The following DPP6 variants were observed in gnomAD, a reference collection of about 807,000 sequenced individuals.
DPP6 encodes the protein A-type potassium channel modulatory protein DPP6.
In DPP6, 69 loss-of-function variants were observed where a neutral mutation model predicts 122.6. The ratio of observed to expected loss-of-function variants is 0.56; its 90% confidence interval spans 0.46 to 0.69. DPP6 has a LOEUF of 0.69. DPP6 is among the 30% of genes least tolerant of loss of function. DPP6 has a pLI of 0.00. For synonymous variants in DPP6, 418 were observed against 433.1 expected, an observed-to-expected ratio of 0.97 and a Z score of 0.43; for missense variants, 928 against 1,116.9, an observed-to-expected ratio of 0.83 and a Z score of 2.41.
chr7:153,839,704 C>T, the DPP6 span, among the ~76,000 whole-genome samples: 13 of 152,226 alleles, frequency 8.5e-5, no homozygotes, highest in Admixed American at 1.3e-4. Flanking sequence ...GAACCTAAAT[C>T]ATCGCGTGCT....
At chr7:153,996,800 AG>A (rs1234870779) in intron 1 of DPP6, among the ~76,000 whole-genome samples, 11 of 152,214 alleles carry the variant, frequency 7.2e-5, no homozygotes, top group African/African-American at 2.7e-4. Flanking sequence ...TTAATAAGAT[AG>A]ATATTCAGAG....
At chr7:154,577,337 G>C (rs942000507) in intron 5 of DPP6, among the ~76,000 whole-genome samples, 1 of 152,216 alleles carries the variant, frequency 6.6e-6, no homozygotes, top group African/African-American at 2.4e-5. Context: ...AGCCAGGCCT[G>C]TGCAGGTGGG....
the DPP6 span, among the ~76,000 whole-genome samples, chr7:153,855,039 G>A: frequency 7.7e-6 from 1 of 130,300 alleles, no homozygotes; most frequent in African/African-American, 2.9e-5. Flanking sequence ...ATTGAACAAT[G>A]AGATCACATG....
Position 154,283,521 on chromosome 7 carries a change from G to A in DPP6, c.244-162693G>A, listed in dbSNP as rs182386162. ...TACCTGTAAAGGCTAAGCAATATCC[G>A]AGGCTCATGGGGTACACAGCAATAA... On this transcript the variant is annotated intron_variant, in intron 1 of 25. Transcript: ENST00000377770. 1.9e-4 allele frequency among the ~76,000 whole-genome samples: 29 copies of A among 152,166 alleles called. 1 individual carries two copies. Among genetic ancestry groups the A allele is most frequent in the South Asian group, 2.1e-4 (1 of 4,810 alleles).
intron 1 of DPP6, among the ~76,000 whole-genome samples, chr7:154,396,806 G>T (rs1253032740): frequency 5.3e-5 from 8 of 152,172 alleles, no homozygotes. Context: ...TTATCTGGGT[G>T]TGGTGGCATG....
chr7:153,845,639 A>G, the DPP6 span, among the ~76,000 whole-genome samples: 2 of 152,078 alleles, frequency 1.3e-5, no homozygotes, highest in East Asian at 1.9e-4. Flanking sequence ...TTTATCTGTC[A>G]TACTAGGCTA....
intron 16 of DPP6, among the ~76,000 whole-genome samples, chr7:154,837,572 G>A (rs1801188947): frequency 6.6e-6 from 1 of 152,100 alleles, no homozygotes; most frequent in South Asian, 2.1e-4. Context: ...CAGCATGGGA[G>A]TATTTTTCTG....
At chr7:154,267,367 A>AATTAC (rs1554504624) in intron 1 of DPP6, among the ~76,000 whole-genome samples, 1 of 147,230 alleles carries the variant, frequency 6.8e-6, no homozygotes, top group African/African-American at 2.5e-5. Context: ...TACTGTAACA[A>AATTAC]ATTATATATA....
intron 1 of DPP6, among the ~76,000 whole-genome samples, chr7:154,233,064 A>C (rs1257704933): frequency 6.6e-6 from 1 of 152,240 alleles, no homozygotes; most frequent in Admixed American, 6.5e-5. Context: ...TTTCACTTAG[A>C]AGCTCACAAA....
chr7:153,800,400 A>G, the DPP6 span, among the ~76,000 whole-genome samples: 1 of 152,206 alleles, frequency 6.6e-6, no homozygotes, highest in African/African-American at 2.4e-5. Flanking sequence ...AGAGTAGAAT[A>G]TTGGTTACAG....
the DPP6 span, among the ~76,000 whole-genome samples, chr7:153,786,740 GAAAAA>G: frequency 9.4e-5 from 3 of 31,776 alleles, no homozygotes; most frequent in African/African-American, 1.0e-4. Context: ...CTCCGTCTCA[GAAAAA>G]AAAAAAAAAA....
At chr7:154,655,233 G>C (rs1308846172) in intron 6 of DPP6, among the ~76,000 whole-genome samples, 1 of 152,158 alleles carries the variant, frequency 6.6e-6, no homozygotes, top group Admixed American at 6.5e-5. Context: ...TGCTGTTGCT[G>C]TTATAAAGCT....
At position 154,782,267 on chromosome 7, in the gene DPP6, G is replaced by A. The variant is rs77675200; in HGVS notation, c.1136+9325G>A. Among the ~76,000 whole-genome samples the A allele has an allele frequency of 8.2e-3, 1,246 of 152,238 alleles. 11 individuals are homozygous for A. The highest frequency in any genetic ancestry group is 0.026 in the African/African-American group (1,076 of 41,552). On this transcript the variant is annotated intron_variant, in intron 10 of 25. Transcript: ENST00000377770. ...GGTAGCATTTCTTCCAGCTATCTTC[G>A]CTTCCTGTTCATATTTTGGTATCAT...
At chr7:154,174,511 C>T (rs1393518947) in intron 1 of DPP6, among the ~76,000 whole-genome samples, 1 of 152,206 alleles carries the variant, frequency 6.6e-6, no homozygotes, top group Non-Finnish European at 1.5e-5. Context: ...ATACACAAAG[C>T]CGTCACTCAT....
At chr7:154,809,836 C>A (rs1362601590) in intron 16 of DPP6, among the ~76,000 whole-genome samples, 2 of 152,116 alleles carry the variant, frequency 1.3e-5, no homozygotes, top group African/African-American at 4.8e-5. Flanking sequence ...CACATGGTGA[C>A]CCTCCCAGAA....
At chr7:153,947,522 C>CG (rs1802005213) in intron 1 of DPP6, among the ~76,000 whole-genome samples, 2 of 152,176 alleles carry the variant, frequency 1.3e-5, no homozygotes, top group South Asian at 2.1e-4. Flanking sequence ...GAAAATTACA[C>CG]AGATTTACTT....
At chr7:154,839,838 G>T (rs530893092) in intron 16 of DPP6, among the ~76,000 whole-genome samples, 3 of 152,078 alleles carry the variant, frequency 2.0e-5, no homozygotes, top group Non-Finnish European at 4.4e-5. Flanking sequence ...TGTATTTCAC[G>T]TCAAGAGTTT....
the DPP6 span, among the ~76,000 whole-genome samples, chr7:153,842,150 T>C: frequency 1.3e-5 from 2 of 152,238 alleles, no homozygotes; most frequent in South Asian, 4.1e-4. Context: ...TTCTGATCAG[T>C]ACTGCAAATT....
chr7:153,886,527 G>T (rs1280118708), upstream of DPP6, among the ~76,000 whole-genome samples: 1 of 152,178 alleles, frequency 6.6e-6, no homozygotes, highest in African/African-American at 2.4e-5. Context: ...AAACAAAGCC[G>T]CCGAGGGACG....
Sources: allele counts gnomAD v4.1 joint callset (sites outside exome capture counted in the v4.1 genomes callset), GRCh38; gene constraint gnomAD v4.1.1; transcripts MANE v1.5; gene names NCBI Gene and HGNC (gene_info 2026-07-23, HGNC 2026-07-21).